Variants in SLC30A8 observed in about 807,000 individuals in gnomAD.
SLC30A8 encodes the protein proton-coupled zinc antiporter SLC30A8.
Under a neutral mutation model 36.9 loss-of-function variants are expected in SLC30A8, and 27 were observed. That is an observed-to-expected ratio of 0.73 (90% confidence interval 0.54 to 1.01). The LOEUF (loss-of-function observed/expected upper bound fraction) is 1.01. Ranked by LOEUF, SLC30A8 falls within the 50% of genes least tolerant of loss-of-function variation. The pLI, the probability that SLC30A8 is intolerant of heterozygous loss-of-function variation, is 0.00. For missense variants in SLC30A8, 439 were observed against 452.0 expected, an observed-to-expected ratio of 0.97 and a Z score of 0.26; for synonymous variants, 164 against 172.4, an observed-to-expected ratio of 0.95 and a Z score of 0.38.
At chr8:117,020,431 G>A (rs1816662612) in intron 1 of SLC30A8, among the ~76,000 whole-genome samples, 5 of 152,190 alleles carry the variant, frequency 3.3e-5, no homozygotes. Flanking sequence ...TGGTGAAAAT[G>A]TGAATTATTA....
At chr8:117,085,176 G>A (rs1227435692) in intron 2 of SLC30A8, among the ~76,000 whole-genome samples, 5 of 152,084 alleles carry the variant, frequency 3.3e-5, no homozygotes, top group Admixed American at 6.6e-5. Flanking sequence ...GTTGCTATAT[G>A]CCAGGAAGTT....
rs1817348045 is a variant in SLC30A8 at position 117,040,404 on chromosome 8, A to C, written c.-226+1146A>C. On this transcript the variant is annotated intron_variant, in intron 2 of 10. Coordinates refer to the SLC30A8 transcript ENST00000427715. ...TCTGTCTAATCCTTGTGCCTGATGC[A>C]CACGGGCTTCAGTGACATTTCTGGA... Among the ~76,000 whole-genome samples the C allele has an allele frequency of 2.0e-5, 3 of 152,254 alleles. No homozygotes were observed. The South Asian group carries it at 6.2e-4, about 31-fold the overall frequency.
At position 117,038,166 on chromosome 8, in the gene SLC30A8, G is replaced by A. The variant is rs116200119; in HGVS notation, c.-265-1053G>A. 5.4e-3 allele frequency among the ~76,000 whole-genome samples: 823 copies of A among 152,106 alleles called. 7 individuals carry two copies. The highest frequency in any genetic ancestry group is 0.019 in the African/African-American group (782 of 41,500). On this transcript the variant is annotated intron_variant, in intron 1 of 10. Coordinates refer to the SLC30A8 transcript ENST00000427715. ...TTCTTCAAAACTAATATGGATACTC[G>A]GTAAAAGCAATGCAAATGATACAAG...
At chr8:117,053,922 T>A (rs535111065) in intron 2 of SLC30A8, among the ~76,000 whole-genome samples, 1 of 152,314 alleles carries the variant, frequency 6.6e-6, no homozygotes, top group South Asian at 2.1e-4. Context: ...ATTTCAGAGT[T>A]ATGGAAGTGA....
chr8:117,006,865 C>G (rs1816189860), intron 1 of SLC30A8: 1 of 146,814 alleles, frequency 6.8e-6, no homozygotes, highest in Non-Finnish European at 1.5e-5. Flanking sequence ...TCACTGCAAC[C>G]TCCGCCTCCC....
Position 117,052,166 on chromosome 8 carries a change from A to G in SLC30A8, c.-226+12908A>G, listed in dbSNP as rs79098254. On this transcript the variant is annotated intron_variant, in intron 2 of 10. Transcript: ENST00000427715. ...GCTGGGATTAAAGGCGTGCACCACC[A>G]CACCCAACTAATTTTTCTATTATTA... is the stretch of plus-strand genomic sequence containing the variant. Among the ~76,000 whole-genome samples, 441 of 152,180 alleles carry G rather than the reference A, an allele frequency of 2.9e-3. 14 individuals carry two copies. In the East Asian group the frequency reaches 0.076, roughly 26 times the overall value.
chr8:117,166,829 C>T (rs1440367911), intron 6 of SLC30A8, among the ~76,000 whole-genome samples: 1 of 133,778 alleles, frequency 7.5e-6, no homozygotes, highest in Non-Finnish European at 1.5e-5. Flanking sequence ...TCTCAGAGTG[C>T]AGTTGCCTTC....
chr8:117,145,967 G>A (rs1031597942), intron 1 of SLC30A8, among the ~76,000 whole-genome samples: 3 of 152,136 alleles, frequency 2.0e-5, no homozygotes, highest in Non-Finnish European at 4.4e-5. Context: ...GACTGAGAAA[G>A]GTAGAGAGGA....
At chr8:117,043,848 G>A (rs929385607) in intron 2 of SLC30A8, among the ~76,000 whole-genome samples, 8 of 152,180 alleles carry the variant, frequency 5.3e-5, no homozygotes, top group Non-Finnish European at 1.2e-4. Flanking sequence ...GAAAAGGTAA[G>A]TTCAAAAATT....
In SLC30A8 at chr8:117,176,494, C is replaced by T. The variant is rs183629253; in HGVS notation, c.*3813C>T. 92 of 152,560 alleles carry T rather than the reference C, an allele frequency of 6.0e-4. No homozygotes were observed. Among genetic ancestry groups the T allele is most frequent in the African/African-American group, 2.1e-3 (88 of 41,526 alleles). 9.5% of individuals were successfully genotyped at this position (152,560 alleles called of 1,614,324 possible). A position where few individuals can be genotyped will look rare whatever the true frequency, so the allele number is the denominator to read the frequency against. ...AAATGTCATCTCTGAATACACACAT[C>T]CCAAGCTTTACAAATCCTGCCTGGC... is the stretch of plus-strand genomic sequence containing the variant. On this transcript the variant is annotated 3_prime_UTR_variant, in exon 8 of 8. Transcript: ENST00000456015.
At chr8:117,162,081 T>A (rs1205473247) in intron 5 of SLC30A8, among the ~76,000 whole-genome samples, 193 bp downstream of exon 5, 1 of 152,142 alleles carries the variant, frequency 6.6e-6, no homozygotes, top group African/African-American at 2.4e-5. Flanking sequence ...TACCTTCAGG[T>A]TCTTGGATTA....
rs1440061994 is a variant in SLC30A8, at chr8:117,087,807, G to A, written c.-225-47473G>A. Reference sequence around the variant, plus strand: ...TATTGCTTCTTTTTAATGTTTCCTGGTTCCAGGTCTAAAAAGTTTTTTATA... The same window carrying A: ...TATTGCTTCTTTTTAATGTTTCCTGATTCCAGGTCTAAAAAGTTTTTTATA... On this transcript the variant is annotated intron_variant, in intron 2 of 10. Coordinates refer to the SLC30A8 transcript ENST00000427715. 3.3e-5 allele frequency among the ~76,000 whole-genome samples: 5 copies of A among 152,150 alleles called. No individual in the cohort carries two copies. The East Asian group carries it at 5.8e-4, about 18-fold the overall frequency.
chr8:117,022,389 T>C (rs1816728570), intron 1 of SLC30A8, among the ~76,000 whole-genome samples: 1 of 152,116 alleles, frequency 6.6e-6, no homozygotes, highest in South Asian at 2.1e-4. Flanking sequence ...GGATAATACA[T>C]GCTGGATTCA....
intron 5 of SLC30A8, 21 bp downstream of exon 5, chr8:117,161,909 C>T (rs1382342549): frequency 1.2e-6 from 2 of 1,600,868 alleles, no homozygotes; most frequent in African/African-American, 2.7e-5. Context: ...GTTTACCCAC[C>T]ATCCTAGTAC....
intron 1 of SLC30A8, among the ~76,000 whole-genome samples, chr8:116,970,333 G>A (rs1044770191): frequency 6.6e-6 from 1 of 152,214 alleles, no homozygotes; most frequent in East Asian, 1.9e-4. Context: ...TCTGGAATAC[G>A]CCCTGAAGGA....
At chr8:117,041,599 A>G (rs1477444249) in intron 2 of SLC30A8, among the ~76,000 whole-genome samples, 1 of 152,180 alleles carries the variant, frequency 6.6e-6, no homozygotes, top group African/African-American at 2.4e-5. Context: ...CTGAGGCAGG[A>G]CAATTGCTTG....
intron 1 of SLC30A8, among the ~76,000 whole-genome samples, chr8:116,953,045 A>AC (rs1814051295): frequency 6.6e-6 from 1 of 151,024 alleles, no homozygotes; most frequent in Non-Finnish European, 1.5e-5. Context: ...CTTTTAGTAG[A>AC]CCCCCATGTC....
intron 1 of SLC30A8, among the ~76,000 whole-genome samples, chr8:117,038,704 T>C (rs1017696993): frequency 6.6e-6 from 1 of 152,232 alleles, no homozygotes; most frequent in Non-Finnish European, 1.5e-5. Flanking sequence ...AATCGTACTC[T>C]AGAAATGTGA....
chr8:117,115,804 G>C (rs1820418713), intron 2 of SLC30A8, among the ~76,000 whole-genome samples: 1 of 152,042 alleles, frequency 6.6e-6, no homozygotes, highest in Admixed American at 6.6e-5. Context: ...TCAATGAGGA[G>C]GGGCTAGCTG....
Sources: allele counts gnomAD v4.1 joint callset (sites outside exome capture counted in the v4.1 genomes callset), GRCh38; gene constraint gnomAD v4.1.1; transcripts MANE v1.5; gene names NCBI Gene and HGNC (gene_info 2026-07-23, HGNC 2026-07-21).